ANKRD17: variants seen among roughly 807,000 people sequenced by gnomAD.
ANKRD17 encodes ankyrin repeat domain-containing protein 17.
In ANKRD17, 19 loss-of-function variants were observed where a neutral mutation model predicts 229.7. The observed-to-expected ratio is 0.08, with a 90% CI of 0.06 to 0.12. ANKRD17 has a LOEUF of 0.12. Among genes scored for constraint, ANKRD17 ranks in the 10% least tolerant of loss-of-function variants. ANKRD17 has a pLI of 1.00. For synonymous variants in ANKRD17, 1,112 were observed against 1,146.1 expected (o/e 0.97, Z 0.60); for missense variants, 2,176 against 3,176.8 (o/e 0.68, Z 7.57).
At chr4:73,198,557 A>T (rs1208841773) in intron 1 of ANKRD17, among the ~76,000 whole-genome samples, 1 of 152,192 alleles carries the variant, frequency 6.6e-6, no homozygotes, top group African/African-American at 2.4e-5. Context: ...ATAATTTTGT[A>T]AAAGGAGAAA....
At chr4:73,139,008 ACC>A (rs1408940547) in intron 15 of ANKRD17, among the ~76,000 whole-genome samples, 1 of 151,278 alleles carries the variant, frequency 6.6e-6, no homozygotes, top group Non-Finnish European at 1.5e-5. Flanking sequence ...GTATAATTAA[ACC>A]CTATTTGGTT....
intron 1 of ANKRD17, among the ~76,000 whole-genome samples, chr4:73,208,673 G>T (rs1301897690): frequency 3.9e-5 from 6 of 152,292 alleles, no homozygotes; most frequent in African/African-American, 1.4e-4. Context: ...GGCAGAATGA[G>T]TCAAAGAAAT....
intron 1 of ANKRD17, among the ~76,000 whole-genome samples, chr4:73,181,265 GT>G (rs565807328): frequency 8.7e-4 from 132 of 152,240 alleles, no homozygotes; most frequent in African/African-American, 2.9e-3. Context: ...AAAAAATACT[GT>G]TTAATACTAT....
In ANKRD17 at chr4:73,098,187, T is replaced by C. The variant is rs1169836046; in HGVS notation, c.4907A>G (p.Asp1636Gly). ...SSNSNSSRKSDNHSPAVVTTT... is the reference protein window; with the variant it reads ...SSNSNSSRKSGNHSPAVVTTT... ...AGTGACCACAGCTGGTGAATGATTG[T>C]CACTCTTACGACTGCTGTTGCTGTT... Residue 1636 changes from aspartate (D) to glycine (G), a missense_variant, in exon 26 of 34, where the codon GAC (aspartate) becomes GGC (glycine). Around this residue, in one of 18 missense-constraint regions of ANKRD17, gnomAD observed 98 missense variants for 101.0 expected, o/e 0.97. Coordinates refer to ENST00000358602, the MANE Select transcript of ANKRD17 (RefSeq NM_032217.5). The C allele has an allele frequency of 2.5e-6, 4 of 1,614,228 alleles. No individual in the cohort carries two copies. The highest frequency in any genetic ancestry group is 3.3e-4 in the Middle Eastern group (2 of 6,062).
intron 16 of ANKRD17, among the ~76,000 whole-genome samples, chr4:73,125,607 C>T (rs1476528684): frequency 1.3e-5 from 2 of 151,858 alleles, no homozygotes; most frequent in African/African-American, 4.8e-5. Context: ...GTGGTGCGTG[C>T]CTGTAGTCCC....
At chr4:73,235,143 TA>T (rs1743387297) in intron 1 of ANKRD17, among the ~76,000 whole-genome samples, 1 of 152,220 alleles carries the variant, frequency 6.6e-6, no homozygotes. Context: ...CCCCTTTTGC[TA>T]ACAACATCAT....
intron 1 of ANKRD17, among the ~76,000 whole-genome samples, chr4:73,179,647 C>T (rs998549263): frequency 7.3e-5 from 11 of 150,598 alleles, no homozygotes; most frequent in Non-Finnish European, 1.2e-4. Flanking sequence ...GCACACACCA[C>T]GCCTGGCTGA....
chr4:73,120,758 T>G (rs1578111382), intron 20 of ANKRD17, 123 bp downstream of exon 20: 1 of 797,198 alleles, frequency 1.3e-6, no homozygotes, highest in Admixed American at 3.0e-5. Flanking sequence ...GATTTCTAAT[T>G]AAATATATAC....
intron 1 of ANKRD17, among the ~76,000 whole-genome samples, chr4:73,203,440 A>G (rs1208649951): frequency 1.3e-5 from 2 of 152,116 alleles, no homozygotes; most frequent in African/African-American, 4.8e-5. Context: ...AGAAAGAGAG[A>G]AGGAGGGTAG....
intron 10 of ANKRD17, 137 bp downstream of exon 10, chr4:73,146,627 G>T (rs1578187012): frequency 1.5e-6 from 1 of 670,458 alleles, no homozygotes; most frequent in Non-Finnish European, 2.3e-6. Flanking sequence ...CTAAGTGAGA[G>T]AAAGAATGGC....
chr4:73,258,355 C>A lies in ANKRD17; in HGVS notation c.314G>T (p.Gly105Val), dbSNP rs1401090245. The A allele has an allele frequency of 1.9e-6, 3 of 1,567,740 alleles. No individual in the cohort carries two copies. The highest frequency in any genetic ancestry group is 1.7e-5 in the Admixed American group (1 of 58,818). Residue 105 changes from glycine (G) to valine (V), a missense_variant, in exon 1 of 34, where the codon GGA becomes GTA. Physicochemically the swap from Gly to Val is moderately radical, Grantham distance 109. This residue lies in a region of ANKRD17 where 196 missense variants were observed against 190.0 expected (regional missense o/e 1.03). Coordinates refer to ENST00000358602, the MANE Select transcript of ANKRD17 (RefSeq NM_032217.5). ...ACTGCTGGTGCCGCCGCCGCCACCTCCGCCTCCACCGCCGCCTCCACCGCC... is the reference window on the plus strand; with the variant it reads ...ACTGCTGGTGCCGCCGCCGCCACCTACGCCTCCACCGCCGCCTCCACCGCC... Reference protein sequence around the residue: ...SGGGGGGGGGGGGGGGTSSNN... With the variant: ...SGGGGGGGGGVGGGGGTSSNN...
chr4:73,144,876 G>A, intron 10 of ANKRD17, 44 bp from the exon 11 acceptor site: 1 of 1,342,742 alleles, frequency 7.4e-7, no homozygotes, highest in Non-Finnish European at 1.0e-6. Context: ...AATTGCCAGT[G>A]AACAAGTATT....
At chr4:73,134,541 A>C (rs10034689) in intron 16 of ANKRD17, among the ~76,000 whole-genome samples, 67,743 of 151,880 alleles carry the variant, frequency 0.45, 15,335 homozygotes, top group Admixed American at 0.53. Flanking sequence ...ATTATACTTA[A>C]TAGCTCTCAA....
rs1281348433 is a variant in ANKRD17 at position 73,075,849 on chromosome 4, T to C, written c.*382A>G. 1.2e-5 allele frequency: 2 copies of C among 166,750 alleles called. No homozygotes were observed. The highest frequency in any genetic ancestry group is 2.6e-5 in the Non-Finnish European group (2 of 77,568). 10.3% of individuals were successfully genotyped at this position (166,750 alleles called of 1,614,324 possible). A position where few individuals can be genotyped will look rare whatever the true frequency, so the allele number is the denominator to read the frequency against. On this transcript the variant is annotated 3_prime_UTR_variant, in exon 34 of 34. Coordinates refer to ENST00000358602, the MANE Select transcript of ANKRD17 (RefSeq NM_032217.5). ...TTTCTGTTATGTAAACAATTGTACA[T>C]TTATTTGCCATTCTAAAACTTCAGG...
intron 1 of ANKRD17, among the ~76,000 whole-genome samples, chr4:73,182,105 T>C (rs1010685752): frequency 6.9e-5 from 8 of 116,228 alleles, no homozygotes; most frequent in African/African-American, 2.3e-4. Flanking sequence ...TAAAAGAAAG[T>C]ATTCGAAAAT....
intron 1 of ANKRD17, among the ~76,000 whole-genome samples, chr4:73,223,622 T>C (rs572960147): frequency 1.3e-5 from 2 of 152,344 alleles, no homozygotes; most frequent in Non-Finnish European, 2.9e-5. Flanking sequence ...TAAATACTTA[T>C]GAGAACCAGG....
At chr4:73,123,085 T>C (rs1726969892) in intron 18 of ANKRD17, among the ~76,000 whole-genome samples, 1 of 152,148 alleles carries the variant, frequency 6.6e-6, no homozygotes, top group African/African-American at 2.4e-5. Context: ...TGTTATAACC[T>C]AATCTGTTAT....
chr4:73,119,640 A>T (rs1397307186), intron 21 of ANKRD17, among the ~76,000 whole-genome samples: 1 of 152,250 alleles, frequency 6.6e-6, no homozygotes, highest in African/African-American at 2.4e-5. Context: ...TTAGAATACC[A>T]TGCAAAGGTC....
At chr4:73,150,153 A>G (rs1207156948) in intron 7 of ANKRD17, among the ~76,000 whole-genome samples, 1 of 151,950 alleles carries the variant, frequency 6.6e-6, no homozygotes, top group Non-Finnish European at 1.5e-5. Flanking sequence ...TTACTTTGCT[A>G]TTTCTTCAGT....
Sources: allele counts gnomAD v4.1 joint callset (sites outside exome capture counted in the v4.1 genomes callset), GRCh38; gene constraint gnomAD v4.1.1; regional missense constraint gnomAD v4.1.1; transcripts MANE v1.5; gene names NCBI Gene and HGNC (gene_info 2026-07-23, HGNC 2026-07-21).